ABI1: variants seen among roughly 807,000 people sequenced by gnomAD.
The protein encoded by ABI1 is Abelson interactor 1.
In ABI1, 14 loss-of-function variants were observed where a neutral mutation model predicts 54.6. That is an observed-to-expected ratio of 0.26 (90% CI 0.17 to 0.40). The LOEUF is 0.40. Among genes scored for constraint, ABI1 ranks in the 10% least tolerant of loss-of-function variants. The pLI is 1.00. For missense variants in ABI1, 443 were observed against 598.3 expected (o/e 0.74, Z 2.71); for synonymous variants, 194 against 209.3 (o/e 0.93, Z 0.63).
chr10:26,845,468 C>A (rs1257769961), intron 1 of ABI1, among the ~76,000 whole-genome samples: 1 of 151,834 alleles, frequency 6.6e-6, no homozygotes, highest in Non-Finnish European at 1.5e-5. Flanking sequence ...TATGATGAAA[C>A]CCCATCTCTA....
intron 2 of ABI1, among the ~76,000 whole-genome samples, chr10:26,809,116 A>AC (rs1263879334): frequency 6.6e-6 from 1 of 151,872 alleles, no homozygotes; most frequent in Non-Finnish European, 1.5e-5. Context: ...CCAAAAATAC[A>AC]AAAATTAGCC....
At chr10:26,848,200 C>CAAAAAAAAA (rs149066426) in intron 1 of ABI1, among the ~76,000 whole-genome samples, 12 of 78,586 alleles carry the variant, frequency 1.5e-4, no homozygotes, top group East Asian at 3.7e-4. Flanking sequence ...GACCCTGTCT[C>CAAAAAAAAA]AAAAAAAAAA....
At chr10:26,790,517 G>A (rs552808353) in intron 2 of ABI1, 77 of 151,960 alleles carry the variant, frequency 5.1e-4, no homozygotes, top group African/African-American at 1.6e-3. Flanking sequence ...CCTTATAGAA[G>A]CTGGATATTA....
intron 10 of ABI1, among the ~76,000 whole-genome samples, chr10:26,750,683 T>C (rs191643549): frequency 2.3e-4 from 35 of 152,308 alleles, no homozygotes; most frequent in Non-Finnish European, 4.1e-4. Flanking sequence ...CAAGCATTTT[T>C]CAGAACTCTA....
chr10:26,835,662 T>C (rs1227537478), intron 1 of ABI1, among the ~76,000 whole-genome samples: 4 of 152,080 alleles, frequency 2.6e-5, no homozygotes, highest in Non-Finnish European at 5.9e-5. Context: ...AATATATTGA[T>C]ACATGAGTGG....
intron 1 of ABI1, among the ~76,000 whole-genome samples, chr10:26,823,773 A>T (rs1237866220): frequency 6.6e-6 from 1 of 152,114 alleles, no homozygotes; most frequent in Non-Finnish European, 1.5e-5. Flanking sequence ...CATGCCCCAC[A>T]AAAACTACTG....
chr10:26,782,102 T>C (rs1232423783), intron 2 of ABI1, among the ~76,000 whole-genome samples: 1 of 152,188 alleles, frequency 6.6e-6, no homozygotes, highest in Non-Finnish European at 1.5e-5. Flanking sequence ...TCACTGCTGA[T>C]GACACTTTTC....
At chr10:26,771,989 CTT>C (rs1266534338) in intron 3 of ABI1, among the ~76,000 whole-genome samples, 4 of 142,582 alleles carry the variant, frequency 2.8e-5, no homozygotes, top group Non-Finnish European at 3.1e-5. Context: ...GGGCTTCAAG[CTT>C]TTTTTTTTTT....
chr10:26,833,419 C>T (rs772162724), intron 1 of ABI1, among the ~76,000 whole-genome samples: 2 of 152,138 alleles, frequency 1.3e-5, no homozygotes, highest in African/African-American at 2.4e-5. Flanking sequence ...AAGACAATGA[C>T]GCTTTCCCCA....
chr10:26,825,340 A>G (rs2048240780), intron 1 of ABI1, among the ~76,000 whole-genome samples: 2 of 152,026 alleles, frequency 1.3e-5, no homozygotes, highest in Admixed American at 1.3e-4. Context: ...AGCCTGGGCA[A>G]CACAGTGAGA....
At chr10:26,779,047 A>G (rs1841784474) in intron 2 of ABI1, among the ~76,000 whole-genome samples, 2 of 152,302 alleles carry the variant, frequency 1.3e-5, no homozygotes, top group Middle Eastern at 3.4e-3. Context: ...ATGTCTTCCA[A>G]CAGAACCCAT....
intron 10 of ABI1, among the ~76,000 whole-genome samples, chr10:26,749,069 C>T (rs577213271): frequency 1.3e-5 from 2 of 152,180 alleles, no homozygotes; most frequent in East Asian, 1.9e-4. Context: ...TGCAAAGCAC[C>T]GGCTTTTCAA....
intron 1 of ABI1, among the ~76,000 whole-genome samples, chr10:26,827,193 G>A (rs549206067): frequency 7.3e-5 from 11 of 151,644 alleles, no homozygotes; most frequent in African/African-American, 1.5e-4. Flanking sequence ...GATTACAGGC[G>A]TGAGCCACCG....
chr10:26,799,326 C>G (rs1359831449), intron 2 of ABI1, among the ~76,000 whole-genome samples: 1 of 151,978 alleles, frequency 6.6e-6, no homozygotes, highest in Non-Finnish European at 1.5e-5. Flanking sequence ...GCAGAGTGTC[C>G]TGTATTCCAT....
chr10:26,843,485 A>AATATATATATATATATATAT (rs779960397), intron 1 of ABI1, among the ~76,000 whole-genome samples: 1 of 34,160 alleles, frequency 2.9e-5, no homozygotes, highest in African/African-American at 1.2e-4. Context: ...AAAAAAAAAA[A>AATATATATATATATATATAT]ATATATATAT....
intron 2 of ABI1, among the ~76,000 whole-genome samples, chr10:26,812,093 C>T (rs1186991096): frequency 6.6e-6 from 1 of 152,292 alleles, no homozygotes; most frequent in East Asian, 1.9e-4. Flanking sequence ...TCAAATCCTC[C>T]TCTGCCTCCC....
intron 1 of ABI1, among the ~76,000 whole-genome samples, chr10:26,837,835 A>G (rs543030650): frequency 0.23 from 33,183 of 142,294 alleles, 4,552 homozygotes; most frequent in South Asian, 0.41. Context: ...GGCTGGTCTC[A>G]AATTCCAGGC....
At chr10:26,820,635 T>C (rs1156576718) in intron 2 of ABI1, among the ~76,000 whole-genome samples, 2 of 151,218 alleles carry the variant, frequency 1.3e-5, no homozygotes, top group Non-Finnish European at 2.9e-5. Flanking sequence ...TCACCCAGGC[T>C]GGAGTACAGT....
At chr10:26,786,365 C>T (rs1842736427) in intron 2 of ABI1, among the ~76,000 whole-genome samples, 1 of 152,006 alleles carries the variant, frequency 6.6e-6, no homozygotes, top group African/African-American at 2.4e-5. Flanking sequence ...CAGGCATGTG[C>T]CCCCACACCC....
Sources: allele counts gnomAD v4.1 joint callset (sites outside exome capture counted in the v4.1 genomes callset), GRCh38; gene constraint gnomAD v4.1.1; transcripts MANE v1.5; gene names NCBI Gene and HGNC (gene_info 2026-07-23, HGNC 2026-07-21).